Variants in FMN1 observed in about 807,000 individuals in gnomAD.
FMN1 encodes the protein formin-1.
A neutral mutation model predicts 132.4 loss-of-function variants in FMN1; 110 were observed. The ratio of observed to expected loss-of-function variants is 0.83; its 90% CI spans 0.71 to 0.97. The LOEUF is 0.97. Ranked by LOEUF, FMN1 falls within the 50% of genes least tolerant of loss-of-function variation. The pLI is 0.00. For missense variants in FMN1, 1,792 were observed against 1,705.3 expected (o/e 1.05, Z -0.90); for synonymous variants, 722 against 651.7 (o/e 1.11, Z -1.64).
chr15:32,995,789 T>C (rs570236097), intron 7 of FMN1, among the ~76,000 whole-genome samples: 26 of 152,338 alleles, frequency 1.7e-4, no homozygotes, highest in African/African-American at 6.3e-4. Context: ...CTCAGAACCG[T>C]TCCCCAGATC....
rs1979167 is a variant in FMN1 at position 32,770,677 on chromosome 15, T to C, written c.*3633A>G. 78,798 of 152,016 alleles carry C rather than the reference T, an allele frequency of 0.52. 20,879 individuals are homozygous for C. The highest frequency in any genetic ancestry group is 0.58 in the East Asian group (2,991 of 5,140). 9.4% of individuals were successfully genotyped at this position (152,016 alleles called of 1,614,324 possible). A position where few individuals can be genotyped will look rare whatever the true frequency, so the allele number is the denominator to read the frequency against. Reference sequence around the variant, plus strand: ...GCCTGAAGGAGGCTGAGAAGAGGTTTGCAGCTTCTACTGTCCTTGATAGGG... The same window carrying C: ...GCCTGAAGGAGGCTGAGAAGAGGTTCGCAGCTTCTACTGTCCTTGATAGGG... On this transcript the variant is annotated 3_prime_UTR_variant, in exon 21 of 21. Coordinates refer to ENST00000616417, the MANE Select transcript of FMN1 (RefSeq NM_001277313.2).
At chr15:33,162,056 C>T (rs28710924) in intron 3 of FMN1, among the ~76,000 whole-genome samples, 1 of 151,792 alleles carries the variant, frequency 6.6e-6, no homozygotes, top group Non-Finnish European at 1.5e-5. Flanking sequence ...CTGTCACCCA[C>T]GCTGCAGTGC....
chr15:32,954,772 A>T (rs2061727807), intron 9 of FMN1, among the ~76,000 whole-genome samples: 1 of 152,002 alleles, frequency 6.6e-6, no homozygotes, highest in African/African-American at 2.4e-5. Flanking sequence ...TTGGGAGGTC[A>T]AGGTGGGCGG....
At chr15:32,955,734 C>T (rs989616269) in intron 9 of FMN1, among the ~76,000 whole-genome samples, 1 of 152,080 alleles carries the variant, frequency 6.6e-6, no homozygotes, top group Non-Finnish European at 1.5e-5. Flanking sequence ...CAGATAACCC[C>T]AAATCTATAT....
chr15:32,822,070 G>T (rs1361223133), intron 17 of FMN1, among the ~76,000 whole-genome samples: 1 of 152,088 alleles, frequency 6.6e-6, no homozygotes, highest in East Asian at 1.9e-4. Context: ...ACAACTTCAA[G>T]AGAAGATCTG....
At chr15:32,819,368 A>G (rs571967200) in intron 17 of FMN1, among the ~76,000 whole-genome samples, 2 of 152,270 alleles carry the variant, frequency 1.3e-5, no homozygotes, top group East Asian at 1.9e-4. Context: ...TTAATTCCCT[A>G]TGGATTTATA....
At chr15:32,978,852 T>G (rs1320197493) in intron 7 of FMN1, among the ~76,000 whole-genome samples, 2 of 152,212 alleles carry the variant, frequency 1.3e-5, no homozygotes, top group African/African-American at 4.8e-5. Context: ...TTGCCTTACA[T>G]ACTCCCAACA....
chr15:33,146,246 C>T (rs1964215914), intron 4 of FMN1, among the ~76,000 whole-genome samples: 1 of 152,138 alleles, frequency 6.6e-6, no homozygotes, highest in South Asian at 2.1e-4. Context: ...TACTGCAAAA[C>T]TGTTGGGCTT....
chr15:32,986,353 T>C (rs561877720), intron 7 of FMN1, among the ~76,000 whole-genome samples: 2 of 152,146 alleles, frequency 1.3e-5, no homozygotes, highest in South Asian at 4.2e-4. Context: ...AACAAGCAAA[T>C]TCTAAAACCC....
At position 32,771,721 on chromosome 15, in the gene FMN1, C is replaced by G. The variant is rs1169756390; in HGVS notation, c.*2589G>C. The stretch of plus-strand genomic sequence containing the variant: ...GTGCTTAAGCTGCCAAATGGCATCC[C>G]GATCACCTCCTCTCCAGGAAAAGTT... On this transcript the variant is annotated 3_prime_UTR_variant, in exon 21 of 21. Transcript: ENST00000616417. 2.6e-5 allele frequency: 4 copies of G among 152,234 alleles called. No individual in the cohort carries two copies. The highest frequency in any genetic ancestry group is 2.6e-4 in the Admixed American group (4 of 15,292). The allele number at this position is 152,234 out of a possible 1,614,324, so 9.4% of individuals were successfully genotyped here.
At chr15:32,924,203 A>G (rs2060901887) in intron 10 of FMN1, among the ~76,000 whole-genome samples, 1 of 152,150 alleles carries the variant, frequency 6.6e-6, no homozygotes, top group Non-Finnish European at 1.5e-5. Context: ...TGACAGGCCT[A>G]TTTAGCCACC....
chr15:33,139,978 A>G (rs1963938762), intron 4 of FMN1, among the ~76,000 whole-genome samples: 1 of 152,198 alleles, frequency 6.6e-6, no homozygotes, highest in Admixed American at 6.5e-5. Flanking sequence ...GTATGTTTCC[A>G]AAAATTTAAA....
intron 16 of FMN1, among the ~76,000 whole-genome samples, chr15:32,870,477 C>T (rs1009988881): frequency 3.3e-5 from 5 of 152,142 alleles, no homozygotes; most frequent in Non-Finnish European, 7.4e-5. Context: ...AAAATTTAAG[C>T]AGAGGTGACA....
intron 20 of FMN1, among the ~76,000 whole-genome samples, chr15:32,775,486 A>G (rs988088196): frequency 5.9e-5 from 9 of 152,172 alleles, no homozygotes; most frequent in African/African-American, 2.2e-4. Context: ...TAGAGGCCCA[A>G]ATAAAAGGTC....
chr15:32,785,174 G>A lies in FMN1; in HGVS notation c.4131-8255C>T, dbSNP rs1237776654. 1.3e-4 allele frequency among the ~76,000 whole-genome samples: 3 copies of A among 23,900 alleles called. 1 individual carries two copies. The highest frequency in any genetic ancestry group is 2.7e-4 in the Non-Finnish European group (3 of 11,000). 15.7% of individuals were successfully genotyped at this position (23,900 alleles called of 152,430 possible). On this transcript the variant is annotated intron_variant, in intron 19 of 20. Coordinates refer to ENST00000616417, the MANE Select transcript of FMN1 (RefSeq NM_001277313.2). ...TGTGTATACGTACGTGTGTGTGTGTGTGTGTGTGTGTGTGTGTGTGTGTGT... is the reference window on the plus strand; with the variant it reads ...TGTGTATACGTACGTGTGTGTGTGTATGTGTGTGTGTGTGTGTGTGTGTGT...
chr15:32,995,959 G>C (rs2033744618), intron 7 of FMN1, among the ~76,000 whole-genome samples: 2 of 152,186 alleles, frequency 1.3e-5, no homozygotes. Context: ...AGATATAACA[G>C]TAAATACAGA....
At chr15:32,963,334 G>A (rs2030805025) in intron 9 of FMN1, among the ~76,000 whole-genome samples, 1 of 144,368 alleles carries the variant, frequency 6.9e-6, no homozygotes. Context: ...CACACTCTGG[G>A]GACTGTTGTG....
In FMN1 at chr15:32,777,506, A is replaced by AACACATT. The variant is rs1567149230; in HGVS notation, c.4131-588_4131-587insAATGTGT. ...TATATTTATATATTACGTATAACAT[A>AACACATT]TAACACATTTATATATTACGTATAA... is the stretch of plus-strand genomic sequence containing the variant. On this transcript the variant is annotated intron_variant, in intron 19 of 20. Transcript: ENST00000616417. Among the ~76,000 whole-genome samples, 105 of 122,164 alleles carry AACACATT rather than the reference A, an allele frequency of 8.6e-4. 21 individuals carry two copies. The highest frequency in any genetic ancestry group is 2.8e-3 in the African/African-American group (101 of 35,648). The allele number at this position is 122,164 out of a possible 152,430, so 80.1% of individuals were successfully genotyped here.
chr15:32,968,565 C>T (rs2031460853), intron 8 of FMN1, 149 bp downstream of exon 8: 2 of 1,226,430 alleles, frequency 1.6e-6, no homozygotes, highest in Non-Finnish European at 2.2e-6. Context: ...TCTCCCCAAA[C>T]ATCCCAACAT....
Sources: gnomAD v4.1 joint callset for allele counts (sites outside exome capture counted in the v4.1 genomes callset) on GRCh38, gnomAD v4.1.1 for gene constraint, MANE v1.5 for transcripts, NCBI Gene and HGNC (gene_info 2026-07-23, HGNC 2026-07-21) for gene names.